The following DGKI variants were observed in gnomAD, a reference collection of about 807,000 sequenced individuals.
DGKI encodes DAG kinase iota.
DGKI carries 55 observed loss-of-function variants against 147.5 expected under a neutral mutation model. The ratio of observed to expected loss-of-function variants is 0.37; its 90% CI spans 0.30 to 0.47. The LOEUF is 0.47. Ranked by LOEUF, DGKI falls within the 20% of genes least tolerant of loss-of-function variation. The probability of loss-of-function intolerance (pLI) is 1.00; values close to 1 mark genes in which losing one functional copy is unlikely to be tolerated. For missense variants in DGKI, 1,007 were observed against 1,323.8 expected, an observed-to-expected ratio of 0.76 and a Z score of 3.71; for synonymous variants, 469 against 477.1, an observed-to-expected ratio of 0.98 and a Z score of 0.22.
intron 1 of DGKI, among the ~76,000 whole-genome samples, chr7:137,770,488 A>G (rs1796156500): frequency 6.6e-6 from 1 of 152,216 alleles, no homozygotes; most frequent in Non-Finnish European, 1.5e-5. Context: ...TAAAACAGAA[A>G]AAAAAAGAAT....
chr7:137,709,067 C>T (rs113112238), intron 1 of DGKI, among the ~76,000 whole-genome samples: 72 of 152,306 alleles, frequency 4.7e-4, no homozygotes, highest in African/African-American at 1.7e-3. Context: ...TTCGCTGCTC[C>T]AACCCTTCTT....
At chr7:137,549,665 G>A (rs1255562760) in intron 20 of DGKI, among the ~76,000 whole-genome samples, 2 of 152,124 alleles carry the variant, frequency 1.3e-5, no homozygotes, top group East Asian at 1.9e-4. Flanking sequence ...CACAATTGAT[G>A]GTCAAAGCAG....
chr7:137,683,662 A>G (rs896955969), intron 2 of DGKI, among the ~76,000 whole-genome samples: 3 of 152,200 alleles, frequency 2.0e-5, no homozygotes, highest in Non-Finnish European at 4.4e-5. Context: ...TCGAAATACC[A>G]TCTCAAATAG....
chr7:137,395,537 A>C lies in DGKI; in HGVS notation c.3057+61T>G, dbSNP rs553040608. The C allele has an allele frequency of 5.3e-6, 8 of 1,505,680 alleles. No individual in the cohort carries two copies. The African/African-American group carries it at 1.1e-4, about 21-fold the overall frequency. 93.3% of individuals were successfully genotyped at this position (1,505,680 alleles called of 1,614,324 possible). On this transcript the variant is annotated intron_variant, in intron 32 of 32. Coordinates refer to ENST00000614521, the MANE Select transcript of DGKI (RefSeq NM_001321708.2). ...ATGTCCGTGCTATGGTCACAAGCAA[A>C]GGCAACAGCGCCTGCGATCTCGCCC...
At chr7:137,597,726 TGA>T in intron 12 of DGKI, 119 bp downstream of exon 12, 1 of 866,660 alleles carries the variant, frequency 1.2e-6, no homozygotes, top group Non-Finnish European at 1.9e-6. Context: ...ATGATTCACA[TGA>T]GAGATATACA....
chr7:137,529,635 A>G (rs974545484), intron 20 of DGKI, among the ~76,000 whole-genome samples: 4 of 152,238 alleles, frequency 2.6e-5, no homozygotes, highest in African/African-American at 9.6e-5. Flanking sequence ...AGACATACTA[A>G]CAACCTTGAA....
At position 137,443,209 on chromosome 7, in the gene DGKI, A is replaced by G. The variant is rs117904801; in HGVS notation, c.2761+868T>C. ...GCTTACTAGTCCATGCTAAAATACA[A>G]TATTGAAAAGCTGAACACAATTATT... is the stretch of plus-strand genomic sequence containing the variant. On this transcript the variant is annotated intron_variant, in intron 28 of 32. Coordinates refer to ENST00000614521, the MANE Select transcript of DGKI (RefSeq NM_001321708.2). 9.0e-3 allele frequency among the ~76,000 whole-genome samples: 1,365 copies of G among 152,302 alleles called. 8 individuals carry two copies. Among genetic ancestry groups the G allele is most frequent in the Admixed American group, 0.014 (216 of 15,298 alleles).
intron 12 of DGKI, among the ~76,000 whole-genome samples, chr7:137,591,245 A>ATAGATT (rs1411398059): frequency 6.6e-6 from 1 of 152,236 alleles, no homozygotes; most frequent in Non-Finnish European, 1.5e-5. Flanking sequence ...AACCGGATAA[A>ATAGATT]TAGATTCTTT....
intron 27 of DGKI, among the ~76,000 whole-genome samples, chr7:137,459,994 C>T (rs903100092): frequency 6.6e-6 from 1 of 152,076 alleles, no homozygotes; most frequent in African/African-American, 2.4e-5. Flanking sequence ...AGCAGTGTCT[C>T]GAAAACTCTG....
chr7:137,432,011 T>C (rs1454655189), intron 28 of DGKI, among the ~76,000 whole-genome samples: 1 of 152,202 alleles, frequency 6.6e-6, no homozygotes, highest in Non-Finnish European at 1.5e-5. Flanking sequence ...GTTCTCACGA[T>C]AGTGAGTGAG....
At chr7:137,542,944 T>C (rs1817750914) in intron 20 of DGKI, among the ~76,000 whole-genome samples, 2 of 152,144 alleles carry the variant, frequency 1.3e-5, no homozygotes, top group African/African-American at 4.8e-5. Flanking sequence ...ATTGAGTAAC[T>C]GAAGTAAACA....
intron 30 of DGKI, among the ~76,000 whole-genome samples, chr7:137,403,064 G>A (rs988235136): frequency 1.2e-4 from 19 of 152,190 alleles, no homozygotes; most frequent in Non-Finnish European, 2.2e-4. Flanking sequence ...CCCTTGGAGG[G>A]TTGGAGGGGC....
chr7:137,665,008 C>A, intron 3 of DGKI, among the ~76,000 whole-genome samples: 1 of 137,850 alleles, frequency 7.3e-6, no homozygotes, highest in African/African-American at 3.6e-5. Flanking sequence ...ACATTCTAGG[C>A]AAAGGGCACA....
chr7:137,617,837 CA>C (rs908225030), intron 8 of DGKI, among the ~76,000 whole-genome samples: 3 of 151,056 alleles, frequency 2.0e-5, no homozygotes, highest in African/African-American at 7.3e-5. Flanking sequence ...ATGTGAATCT[CA>C]AAAGAAAAAG....
At chr7:137,413,424 CT>C (rs1812240944) in intron 28 of DGKI, among the ~76,000 whole-genome samples, 2 of 152,090 alleles carry the variant, frequency 1.3e-5, no homozygotes, top group Admixed American at 1.3e-4. Context: ...GTTTTTCAGC[CT>C]TTGTCCCCCT....
In DGKI at chr7:137,722,564, T is replaced by C. The variant is rs1298406299; in HGVS notation, c.402-32562A>G. The C allele has an allele frequency of 1.9e-6, 3 of 1,589,994 alleles. No homozygotes were observed. In the East Asian group the frequency reaches 6.7e-5, roughly 36 times the overall value. ...CCTCTACGAAGAACACACCAGAAATTTGTCATTGCCACCTCAACCAAAATC... is the reference window on the plus strand; with the variant it reads ...CCTCTACGAAGAACACACCAGAAATCTGTCATTGCCACCTCAACCAAAATC... On this transcript the variant is annotated intron_variant, in intron 1 of 32. Coordinates refer to ENST00000614521, the MANE Select transcript of DGKI (RefSeq NM_001321708.2).
intron 20 of DGKI, among the ~76,000 whole-genome samples, chr7:137,546,630 T>C (rs550370601): frequency 1.3e-5 from 2 of 152,332 alleles, no homozygotes; most frequent in African/African-American, 4.8e-5. Context: ...TCTCCCTTCT[T>C]TTATATTGGA....
At chr7:137,708,128 T>C (rs1794098758) in intron 1 of DGKI, among the ~76,000 whole-genome samples, 1 of 152,192 alleles carries the variant, frequency 6.6e-6, no homozygotes, top group Non-Finnish European at 1.5e-5. Flanking sequence ...GATGTCTCTT[T>C]ACAGATTCTT....
At chr7:137,559,369 C>G (rs1308499136) in intron 19 of DGKI, among the ~76,000 whole-genome samples, 1 of 152,188 alleles carries the variant, frequency 6.6e-6, no homozygotes, top group African/African-American at 2.4e-5. Context: ...CCGCGCCTGG[C>G]CTTGTACCTA....
Sources: allele counts gnomAD v4.1 joint callset (sites outside exome capture counted in the v4.1 genomes callset), GRCh38; gene constraint gnomAD v4.1.1; transcripts MANE v1.5; gene names NCBI Gene and HGNC (gene_info 2026-07-23, HGNC 2026-07-21).